The following TMPRSS15 variants were observed in gnomAD, a reference collection of about 807,000 sequenced individuals.
The protein encoded by TMPRSS15 is enteropeptidase.
Under a neutral mutation model 125.3 loss-of-function variants are expected in TMPRSS15, and 128 were observed. The ratio of observed to expected loss-of-function variants is 1.02; its 90% CI spans 0.89 to 1.18. TMPRSS15 has a LOEUF of 1.18. Ranked by LOEUF, TMPRSS15 falls within the 50% of genes most tolerant of loss-of-function variation. TMPRSS15 has a pLI of 0.00. For missense variants in TMPRSS15, 1,283 were observed against 1,212.7 expected (o/e 1.06, Z -0.86); for synonymous variants, 446 against 423.2 (o/e 1.05, Z -0.66).
intron 15 of TMPRSS15, 142 bp from the exon 16 acceptor site, chr21:18,326,714 C>G: frequency 1.2e-6 from 1 of 847,078 alleles, no homozygotes. Flanking sequence ...AGTAAATGAA[C>G]ACACACATTC....
chr21:18,398,218 G>A lies in TMPRSS15; in HGVS notation c.257C>T (p.Ala86Val). 3.1e-6 allele frequency: 5 copies of A among 1,613,848 alleles called. No homozygotes were observed. The highest frequency in any genetic ancestry group is 4.2e-6 in the Non-Finnish European group (5 of 1,179,778). ...TCCTACCATTTGCTGAAGGTCAAAA[G>A]CAAGAACTTTGAAATCCACTGAGAG... is the stretch of plus-strand genomic sequence containing the variant. The part of the protein sequence containing the change: ...DKLSVDFKVL[A>V]FDLQQMIDEI... The change falls in exon 2 of 25, where the codon GCT becomes GTT. Residue 86 changes from alanine to valine, a missense_variant. By Grantham distance (64) the Ala-to-Val change is moderately conservative. Transcript: ENST00000284885.
intron 1 of TMPRSS15, chr21:18,460,575 A>G (rs1601470437): frequency 6.6e-6 from 1 of 152,314 alleles, no homozygotes; most frequent in African/African-American, 2.4e-5. Context: ...GGCTCACCCG[A>G]TTGTGGAGGC....
At chr21:18,302,606 A>G (rs989295472) in intron 18 of TMPRSS15, among the ~76,000 whole-genome samples, 1 of 152,226 alleles carries the variant, frequency 6.6e-6, no homozygotes, top group Non-Finnish European at 1.5e-5. Context: ...AGAAATGTCA[A>G]TAAAAACAAT....
chr21:18,473,915 C>T (rs1400089337), intron 1 of TMPRSS15, among the ~76,000 whole-genome samples: 2 of 152,012 alleles, frequency 1.3e-5, no homozygotes, highest in Non-Finnish European at 2.9e-5. Context: ...TTTTTCTTAA[C>T]TGTTTCAACT....
intron 1 of TMPRSS15, among the ~76,000 whole-genome samples, chr21:18,474,295 AT>A (rs67852303): frequency 0.047 from 6,811 of 144,532 alleles, 383 homozygotes; most frequent in African/African-American, 0.14. Flanking sequence ...ACATTTTGCT[AT>A]TTTTTTTTTT....
In TMPRSS15 at chr21:18,297,730, C is replaced by A. The variant is rs777835427; in HGVS notation, c.2261+4G>T. ...CTAGTCTAAGAACAGATTTAGGGACCCACCTGGGTGTTAGTATTAAGTGGC... is the reference window on the plus strand; with the variant it reads ...CTAGTCTAAGAACAGATTTAGGGACACACCTGGGTGTTAGTATTAAGTGGC... On this transcript the variant is annotated splice_donor_region_variant and intron_variant, in intron 19 of 24. Coordinates refer to ENST00000284885, the MANE Select transcript of TMPRSS15 (RefSeq NM_002772.3). The A allele has an allele frequency of 2.5e-6, 4 of 1,609,598 alleles. No individual in the cohort carries two copies. The Admixed American group carries it at 6.7e-5, about 27-fold the overall frequency.
In TMPRSS15 at chr21:18,336,482, G is replaced by A. The variant is rs190919180; in HGVS notation, c.1565-4309C>T. Among the ~76,000 whole-genome samples, 90 of 152,174 alleles carry A rather than the reference G, an allele frequency of 5.9e-4. No homozygotes were observed. The East Asian group carries it at 0.016, about 27-fold the overall frequency. ...AAAGTAAAATGTTCCATAAAATTTT[G>A]TGTTCATTTGATCAAAATTTATGTT... On this transcript the variant is annotated intron_variant, in intron 13 of 24. Transcript: ENST00000284885.
intron 1 of TMPRSS15, among the ~76,000 whole-genome samples, chr21:18,413,319 C>CCTTCCTTT (rs2076171782): frequency 9.8e-6 from 1 of 101,920 alleles, no homozygotes; most frequent in South Asian, 3.3e-4. Flanking sequence ...TCTTTTCCTT[C>CCTTCCTTT]CTTCCTTCCT....
chr21:18,353,725 T>C lies in TMPRSS15; in HGVS notation c.1019A>G (p.Asn340Ser), dbSNP rs749780442. ...TYTAFNSSELNNYEKINCNFE... is the reference protein window; with the variant it reads ...TYTAFNSSELSNYEKINCNFE... The stretch of plus-strand genomic sequence containing the variant: ...GCCAAAAAATAAATAATACTTACTA[T>C]TAAGCTCACTGCTGTTAAATGCAGT... The change falls in exon 9 of 25, where the codon AAT (asparagine) becomes AGT (serine). Residue 340 changes from asparagine (N) to serine (S), a missense_variant and splice_region_variant. Physicochemically the swap from Asn to Ser is conservative, Grantham distance 46 (BLOSUM62 1). Transcript: ENST00000284885. 4 of 1,610,108 alleles carry C rather than the reference T, an allele frequency of 2.5e-6. No homozygotes were observed. In the South Asian group the frequency reaches 4.4e-5, roughly 18 times the overall value.
intron 16 of TMPRSS15, among the ~76,000 whole-genome samples, chr21:18,317,431 AG>A (rs891951800): frequency 4.5e-5 from 6 of 132,836 alleles, no homozygotes; most frequent in Admixed American, 7.8e-5. Flanking sequence ...AGAGTATTTG[AG>A]GGGGGGTGTT....
chr21:18,443,390 C>T (rs1424081712), intron 1 of TMPRSS15, among the ~76,000 whole-genome samples: 1 of 152,090 alleles, frequency 6.6e-6, no homozygotes, highest in African/African-American at 2.4e-5. Flanking sequence ...AGAACCTCTC[C>T]AACACAGGAA....
At chr21:18,372,399 G>T (rs2075801204) in intron 5 of TMPRSS15, 75 bp from the exon 6 acceptor site, 5 of 1,360,912 alleles carry the variant, frequency 3.7e-6, no homozygotes, top group Admixed American at 3.5e-5. Flanking sequence ...AGGCCTTTTT[G>T]CCACTGGGGT....
chr21:18,395,624 T>C (rs930713425), intron 3 of TMPRSS15, among the ~76,000 whole-genome samples: 1 of 152,204 alleles, frequency 6.6e-6, no homozygotes, highest in African/African-American at 2.4e-5. Flanking sequence ...CTAAAGTATC[T>C]TAACCTTTTC....
chr21:18,385,433 G>A (rs2075934425), intron 3 of TMPRSS15, among the ~76,000 whole-genome samples: 1 of 152,094 alleles, frequency 6.6e-6, no homozygotes, highest in African/African-American at 2.4e-5. Flanking sequence ...TTTTATTCGT[G>A]GGTGTATTAC....
chr21:18,448,664 G>A (rs1254077912), intron 1 of TMPRSS15, among the ~76,000 whole-genome samples: 1 of 152,028 alleles, frequency 6.6e-6, no homozygotes, highest in Non-Finnish European at 1.5e-5. Flanking sequence ...TGGAAACAGT[G>A]TTGTTATATG....
At chr21:18,338,831 A>G (rs975654732) in intron 13 of TMPRSS15, among the ~76,000 whole-genome samples, 15 of 152,172 alleles carry the variant, frequency 9.9e-5, no homozygotes, top group Non-Finnish European at 1.5e-4. Context: ...GGTAAAGCAA[A>G]GGTAAATTTG....
intron 22 of TMPRSS15, among the ~76,000 whole-genome samples, 158 bp downstream of exon 22, chr21:18,280,882 A>G (rs1356962741): frequency 6.6e-6 from 1 of 152,132 alleles, no homozygotes; most frequent in Non-Finnish European, 1.5e-5. Flanking sequence ...AATTTAATAT[A>G]TTTCTCTCTA....
At chr21:18,365,643 T>TTCCTTCCTTCC (rs2075724370) in intron 6 of TMPRSS15, among the ~76,000 whole-genome samples, 1 of 26,774 alleles carries the variant, frequency 3.7e-5, no homozygotes, top group Non-Finnish European at 8.6e-5. Flanking sequence ...TCTCTCTCTT[T>TTCCTTCCTTCC]TTCCTCCCTT....
rs1569035136 is a variant in TMPRSS15, at chr21:18,365,252, CA to C, written c.665-5del. The stretch of plus-strand genomic sequence containing the variant: ...AATCTTCCATCACAAACTGTGGCTG[CA>C]AAACGATGCCAATTAATGTTAGACA... On this transcript the variant is annotated splice_polypyrimidine_tract_variant and splice_region_variant and intron_variant, in intron 6 of 24. Coordinates refer to ENST00000284885, the MANE Select transcript of TMPRSS15 (RefSeq NM_002772.3). 6.2e-7 allele frequency: 1 copy of C among 1,609,776 alleles called. No homozygotes were observed. Among genetic ancestry groups the C allele is most frequent in the Non-Finnish European group, 8.5e-7 (1 of 1,176,118 alleles).
Sources: allele counts gnomAD v4.1 joint callset (sites outside exome capture counted in the v4.1 genomes callset), GRCh38; gene constraint gnomAD v4.1.1; transcripts MANE v1.5; gene names NCBI Gene and HGNC (gene_info 2026-07-23, HGNC 2026-07-21).